The following DNER variants were observed in gnomAD, a reference collection of about 807,000 sequenced individuals.
The protein encoded by DNER is delta and Notch-like epidermal growth factor-related receptor.
Under a neutral mutation model 78.2 loss-of-function variants are expected in DNER, and 33 were observed. That is an observed-to-expected ratio of 0.42 (90% CI 0.32 to 0.56). DNER has a LOEUF of 0.56. Among genes scored for constraint, DNER ranks in the 20% least tolerant of loss-of-function variants. DNER has a pLI of 0.11. For synonymous variants in DNER, 417 were observed against 384.8 expected (o/e 1.08, Z -0.98); for missense variants, 918 against 975.3 (o/e 0.94, Z 0.78).
intron 7 of DNER, among the ~76,000 whole-genome samples, chr2:229,472,484 T>C (rs181098971): frequency 6.6e-6 from 1 of 152,342 alleles, no homozygotes; most frequent in East Asian, 1.9e-4. Flanking sequence ...ATTAAGATAC[T>C]GATAATGGCT....
chr2:229,672,651 TGA>T (rs1356939622), intron 1 of DNER, among the ~76,000 whole-genome samples: 1 of 150,152 alleles, frequency 6.7e-6, no homozygotes, highest in Non-Finnish European at 1.5e-5. Context: ...AGAAAGGACT[TGA>T]GAGAGAGGAA....
chr2:229,640,923 G>A (rs1339340772), intron 1 of DNER, among the ~76,000 whole-genome samples: 2 of 152,198 alleles, frequency 1.3e-5, no homozygotes, highest in African/African-American at 4.8e-5. Flanking sequence ...AGGGGTGAGG[G>A]AGCTGAGAGT....
chr2:229,532,963 G>A (rs888948065), intron 5 of DNER, among the ~76,000 whole-genome samples: 1 of 152,130 alleles, frequency 6.6e-6, no homozygotes, highest in African/African-American at 2.4e-5. Flanking sequence ...GAAGAGAAGG[G>A]GTTGAGGGGA....
At chr2:229,466,647 T>A (rs1694812980) in intron 7 of DNER, among the ~76,000 whole-genome samples, 1 of 152,172 alleles carries the variant, frequency 6.6e-6, no homozygotes, top group Non-Finnish European at 1.5e-5. Context: ...TCCCTTGTGA[T>A]CAACACAATA....
chr2:229,663,135 G>C (rs1359065155), intron 1 of DNER, among the ~76,000 whole-genome samples: 1 of 152,100 alleles, frequency 6.6e-6, no homozygotes, highest in Non-Finnish European at 1.5e-5. Context: ...AGAGTGTTTA[G>C]CTTTGATCTA....
At chr2:229,500,538 T>C (rs1364198973) in intron 6 of DNER, among the ~76,000 whole-genome samples, 1 of 152,174 alleles carries the variant, frequency 6.6e-6, no homozygotes, top group Non-Finnish European at 1.5e-5. Context: ...TGGATATATA[T>C]CCAAAGGAAT....
intron 1 of DNER, among the ~76,000 whole-genome samples, chr2:229,668,431 T>C (rs1429568853): frequency 7.1e-6 from 1 of 140,306 alleles, no homozygotes; most frequent in Non-Finnish European, 1.5e-5. Flanking sequence ...TATATATATA[T>C]ATATATATAT....
intron 4 of DNER, among the ~76,000 whole-genome samples, chr2:229,552,862 G>A (rs1255175855): frequency 1.3e-5 from 2 of 152,150 alleles, no homozygotes; most frequent in Non-Finnish European, 2.9e-5. Flanking sequence ...TGGACTATGG[G>A]AGGAGAGGAG....
chr2:229,525,574 T>C (rs1225230169), intron 5 of DNER, among the ~76,000 whole-genome samples: 1 of 152,228 alleles, frequency 6.6e-6, no homozygotes, highest in Non-Finnish European at 1.5e-5. Flanking sequence ...TTGCATTTTA[T>C]TTCTATAGTC....
chr2:229,520,752 G>T (rs1056620321), intron 5 of DNER, among the ~76,000 whole-genome samples: 1 of 152,192 alleles, frequency 6.6e-6, no homozygotes, highest in African/African-American at 2.4e-5. Context: ...CTGCAGGACT[G>T]CTGTGGAGAA....
At chr2:229,702,911 C>T (rs1040276294) in intron 1 of DNER, among the ~76,000 whole-genome samples, 17 of 99,734 alleles carry the variant, frequency 1.7e-4, no homozygotes, top group East Asian at 9.4e-4. Context: ...AGCGAGACTC[C>T]GCCTCAAAAA....
At chr2:229,387,723 A>T (rs1200128423) in intron 11 of DNER, among the ~76,000 whole-genome samples, 1 of 152,158 alleles carries the variant, frequency 6.6e-6, no homozygotes, top group African/African-American at 2.4e-5. Context: ...ACCCTAAGAG[A>T]TCACTCAGCT....
rs1172789438 is a variant in DNER at position 229,610,559 on chromosome 2, A to G, written c.277-18671T>C. On this transcript the variant is annotated intron_variant, in intron 1 of 12. Transcript: ENST00000341772. ...ATGTGTCATTTCCTCAACCGCCGAC[A>G]GTGTACTGGAAGATCAGTCACCAGG... Among the ~76,000 whole-genome samples the G allele has an allele frequency of 4.6e-5, 7 of 152,330 alleles. No individual in the cohort carries two copies. The East Asian group carries it at 1.4e-3, about 29-fold the overall frequency.
intron 1 of DNER, among the ~76,000 whole-genome samples, chr2:229,644,334 C>CTTTTTT (rs5839345): frequency 1.1e-4 from 11 of 97,534 alleles, no homozygotes; most frequent in African/African-American, 1.3e-4. Flanking sequence ...CTTGCTTTCT[C>CTTTTTT]TTTTTTTTTT....
chr2:229,401,672 T>A (rs1451397532), intron 10 of DNER, among the ~76,000 whole-genome samples: 1 of 152,124 alleles, frequency 6.6e-6, no homozygotes, highest in Non-Finnish European at 1.5e-5. Context: ...AAGACAGTTG[T>A]GGCGCAAGGG....
chr2:229,619,338 T>C (rs1698216094), intron 1 of DNER, among the ~76,000 whole-genome samples: 1 of 152,156 alleles, frequency 6.6e-6, no homozygotes, highest in South Asian at 2.1e-4. Context: ...TCTAACAAAA[T>C]TATCTAGTTG....
intron 1 of DNER, among the ~76,000 whole-genome samples, chr2:229,701,503 G>T (rs574719202): frequency 1.6e-4 from 25 of 152,318 alleles, no homozygotes; most frequent in African/African-American, 5.3e-4. Context: ...TCTGTATTTT[G>T]CCTGGGCATC....
At chr2:229,601,768 A>G (rs1329254015) in intron 1 of DNER, among the ~76,000 whole-genome samples, 1 of 152,194 alleles carries the variant, frequency 6.6e-6, no homozygotes, top group African/African-American at 2.4e-5. Flanking sequence ...GCATTTGGAA[A>G]TTACCTTGAA....
chr2:229,512,032 G>A (rs1305676673), intron 6 of DNER, among the ~76,000 whole-genome samples: 3 of 152,164 alleles, frequency 2.0e-5, no homozygotes, highest in African/African-American at 4.8e-5. Context: ...ATCAATCAAC[G>A]AGTGGATAAA....
Sources: allele counts gnomAD v4.1 joint callset (sites outside exome capture counted in the v4.1 genomes callset), GRCh38; gene constraint gnomAD v4.1.1; transcripts MANE v1.5; gene names NCBI Gene and HGNC (gene_info 2026-07-23, HGNC 2026-07-21).